The following DPP6 variants were observed in gnomAD, a reference collection of about 807,000 sequenced individuals.
DPP6 encodes A-type potassium channel modulatory protein DPP6.
Under a neutral mutation model 122.6 loss-of-function variants are expected in DPP6, and 69 were observed. The observed-to-expected ratio is 0.56, with a 90% CI of 0.46 to 0.69. The LOEUF (loss-of-function observed/expected upper bound fraction) is 0.69, where lower values mean the gene tolerates loss of function less well. DPP6 is among the 30% of genes least tolerant of loss of function. DPP6 has a pLI of 0.00. For synonymous variants in DPP6, 418 were observed against 433.1 expected, an observed-to-expected ratio of 0.97 and a Z score of 0.43; for missense variants, 928 against 1,116.9, an observed-to-expected ratio of 0.83 and a Z score of 2.41.
intron 1 of DPP6, among the ~76,000 whole-genome samples, chr7:154,130,261 C>A (rs1335772673): frequency 6.6e-6 from 1 of 152,076 alleles, no homozygotes; most frequent in African/African-American, 2.4e-5. Flanking sequence ...TCAGCTTCCT[C>A]AAGGTCGTTC....
the DPP6 span, among the ~76,000 whole-genome samples, chr7:153,870,899 G>T: frequency 3.3e-5 from 5 of 152,202 alleles, no homozygotes; most frequent in Non-Finnish European, 5.9e-5. Context: ...GTCTGTTGGA[G>T]TTTGCTAGAG....
At chr7:154,847,944 T>G (rs1802074234) in intron 16 of DPP6, among the ~76,000 whole-genome samples, 1 of 152,246 alleles carries the variant, frequency 6.6e-6, no homozygotes, top group Non-Finnish European at 1.5e-5. Context: ...ATGCCTGGCT[T>G]ATTTCACTTA....
intron 1 of DPP6, among the ~76,000 whole-genome samples, chr7:154,125,261 G>A (rs1301371856): frequency 1.3e-5 from 2 of 152,168 alleles, no homozygotes; most frequent in African/African-American, 2.4e-5. Flanking sequence ...AACACAGCAG[G>A]ATGCAAACTA....
At chr7:154,196,547 G>C (rs761491482) in intron 1 of DPP6, among the ~76,000 whole-genome samples, 1 of 152,168 alleles carries the variant, frequency 6.6e-6, no homozygotes, top group Non-Finnish European at 1.5e-5. Context: ...TGAATTCAGT[G>C]AATTTCTGTG....
At chr7:153,839,709 C>T in the DPP6 span, among the ~76,000 whole-genome samples, 68,110 of 152,106 alleles carry the variant, frequency 0.45, 16,396 homozygotes, top group Admixed American at 0.54. Context: ...TAAATCATCG[C>T]GTGCTCATGG....
chr7:153,765,410 C>T, the DPP6 span, among the ~76,000 whole-genome samples: 9 of 152,022 alleles, frequency 5.9e-5, no homozygotes, highest in East Asian at 5.8e-4. Flanking sequence ...GGCATGGTGG[C>T]GGGCACCTGT....
the DPP6 span, among the ~76,000 whole-genome samples, chr7:153,813,342 C>T: frequency 6.6e-6 from 1 of 152,108 alleles, no homozygotes; most frequent in African/African-American, 2.4e-5. Flanking sequence ...CATGTCCCTA[C>T]AAAGGACATG....
At chr7:154,696,040 C>T (rs142875494) in intron 7 of DPP6, among the ~76,000 whole-genome samples, 1,671 of 152,324 alleles carry the variant, frequency 0.011, 38 homozygotes, top group African/African-American at 0.038. Context: ...GCCTTGAAAT[C>T]GGCCCCCGGG....
chr7:154,863,468 A>G lies in DPP6; in HGVS notation c.1715-4527A>G, dbSNP rs1001731525. 1.3e-5 allele frequency among the ~76,000 whole-genome samples: 2 copies of G among 150,680 alleles called. No homozygotes were observed. Among genetic ancestry groups the G allele is most frequent in the African/African-American group, 4.9e-5 (2 of 40,876 alleles). ...CCTCCAGAGCTCAAGCTGTCCTCCC[A>G]CCTCAGCCTCCTGAGTAACTGGGAC... On this transcript the variant is annotated intron_variant, in intron 17 of 25. Coordinates refer to ENST00000377770, the MANE Select transcript of DPP6 (RefSeq NM_130797.4). This position sits in a 1 kb window ranked among gnomAD's most constrained non-coding sequence, Gnocchi z 4.1.
chr7:154,116,538 C>T (rs970051606), intron 1 of DPP6, among the ~76,000 whole-genome samples: 1 of 152,182 alleles, frequency 6.6e-6, no homozygotes, highest in African/African-American at 2.4e-5. Flanking sequence ...CCCAATAAAA[C>T]AAAACCTAAA....
Position 154,618,011 on chromosome 7 carries a change from G to A in DPP6, c.628-19810G>A, listed in dbSNP as rs1272536445. Reference sequence around the variant, plus strand: ...GGGGCTGCAGACCCGGGACTCAAACGATGTGCAAAGGCCTCAGTTTCTCTC... The same window carrying A: ...GGGGCTGCAGACCCGGGACTCAAACAATGTGCAAAGGCCTCAGTTTCTCTC... On this transcript the variant is annotated intron_variant, in intron 5 of 25. Coordinates refer to ENST00000377770, the MANE Select transcript of DPP6 (RefSeq NM_130797.4). The surrounding 1 kb of genome is among the most constrained non-coding windows in gnomAD (Gnocchi z 4.1). 6.6e-6 allele frequency among the ~76,000 whole-genome samples: 1 copy of A among 152,122 alleles called. No individual in the cohort carries two copies. The highest frequency in any genetic ancestry group is 1.5e-5 in the Non-Finnish European group (1 of 68,012).
intron 3 of DPP6, among the ~76,000 whole-genome samples, chr7:154,484,884 G>A (rs1357062036): frequency 6.6e-6 from 1 of 152,216 alleles, no homozygotes; most frequent in African/African-American, 2.4e-5. Context: ...ATTGGAGTTA[G>A]TGCACAGGGC....
chr7:154,445,378 C>T (rs7782833), intron 1 of DPP6, among the ~76,000 whole-genome samples: 29,147 of 152,006 alleles, frequency 0.19, 3,956 homozygotes, highest in African/African-American at 0.39. Context: ...TCCTTTTTGT[C>T]TCTCAAAGAA....
At chr7:154,193,875 G>C (rs183290439) in intron 1 of DPP6, among the ~76,000 whole-genome samples, 1 of 151,990 alleles carries the variant, frequency 6.6e-6, no homozygotes. Flanking sequence ...CCTGGGATGC[G>C]CTCACCACAG....
intron 16 of DPP6, among the ~76,000 whole-genome samples, chr7:154,836,451 C>T (rs1459358140): frequency 6.6e-6 from 1 of 152,192 alleles, no homozygotes; most frequent in Non-Finnish European, 1.5e-5. Flanking sequence ...TTTCACAACA[C>T]GGTTATTAAA....
At chr7:153,974,250 A>G (rs1796182780) in intron 1 of DPP6, among the ~76,000 whole-genome samples, 1 of 152,138 alleles carries the variant, frequency 6.6e-6, no homozygotes, top group South Asian at 2.1e-4. Flanking sequence ...TTTCTTATAG[A>G]CAGTGGGCTC....
intron 1 of DPP6, among the ~76,000 whole-genome samples, chr7:154,212,490 C>G (rs866886533): frequency 1.4e-4 from 21 of 152,102 alleles, no homozygotes; most frequent in South Asian, 4.1e-4. Context: ...TTAAAGCAAC[C>G]CAGGGAGAGG....
At chr7:154,183,366 A>G (rs4077524) in intron 1 of DPP6, among the ~76,000 whole-genome samples, 42,469 of 151,964 alleles carry the variant, frequency 0.28, 5,970 homozygotes, top group East Asian at 0.34. Context: ...CATTACAATG[A>G]AAAACAGAAG....
Position 154,062,014 on chromosome 7 carries a change from A to AG in DPP6, c.243+8960dup, listed in dbSNP as rs750730060. Among the ~76,000 whole-genome samples the AG allele has an allele frequency of 2.4e-3, 223 of 93,174 alleles. 12 individuals are homozygous for AG. The highest frequency in any genetic ancestry group is 6.6e-3 in the African/African-American group (154 of 23,212). 61.1% of individuals were successfully genotyped at this position (93,174 alleles called of 152,430 possible). A position where few individuals can be genotyped will look rare whatever the true frequency, so the allele number is the denominator to read the frequency against. On this transcript the variant is annotated intron_variant, in intron 1 of 25. Transcript: ENST00000377770. ...CCCTGGCTGTTGGTACCCCCATCGC[A>AG]GGGGGGGGGAGGCACCCCCCGCGAG...
Sources: allele counts gnomAD v4.1 joint callset (sites outside exome capture counted in the v4.1 genomes callset), GRCh38; gene constraint gnomAD v4.1.1; non-coding constraint Gnocchi (gnomAD v3.1); transcripts MANE v1.5; gene names NCBI Gene and HGNC (gene_info 2026-07-23, HGNC 2026-07-21).